PCDH9: variants seen among roughly 807,000 people sequenced by gnomAD.
PCDH9 encodes the protein protocadherin 9.
Under a neutral mutation model 70.6 loss-of-function variants are expected in PCDH9, and 24 were observed. The observed-to-expected ratio is 0.34, with a 90% CI of 0.25 to 0.48. PCDH9 has a LOEUF of 0.48. Among genes scored for constraint, PCDH9 ranks in the 20% least tolerant of loss-of-function variants. PCDH9 has a pLI of 0.99. For synonymous variants in PCDH9, 562 were observed against 558.5 expected, an observed-to-expected ratio of 1.01 and a Z score of -0.09; for missense variants, 1,281 against 1,503.6, an observed-to-expected ratio of 0.85 and a Z score of 2.45.
chr13:67,175,192 T>C (rs1310713734), intron 2 of PCDH9, among the ~76,000 whole-genome samples: 1 of 152,116 alleles, frequency 6.6e-6, no homozygotes, highest in African/African-American at 2.4e-5. Flanking sequence ...GGACAATATG[T>C]GTTTATTCCT....
intron 4 of PCDH9, among the ~76,000 whole-genome samples, chr13:66,529,285 G>A (rs1287207284): frequency 6.6e-6 from 1 of 151,986 alleles, no homozygotes; most frequent in Non-Finnish European, 1.5e-5. Flanking sequence ...CATCTCTTCA[G>A]GCACAAACTG....
chr13:66,518,676 A>G (rs1959853780), intron 4 of PCDH9, among the ~76,000 whole-genome samples: 1 of 152,164 alleles, frequency 6.6e-6, no homozygotes, highest in South Asian at 2.1e-4. Flanking sequence ...TTTAGAAGTT[A>G]TATAAGTTTA....
chr13:66,872,115 T>C (rs558211119), intron 3 of PCDH9, among the ~76,000 whole-genome samples: 3 of 152,300 alleles, frequency 2.0e-5, no homozygotes, highest in African/African-American at 4.8e-5. Flanking sequence ...AAAGGACATA[T>C]GACTAAATTA....
chr13:67,063,038 C>T (rs1285012538), intron 2 of PCDH9, among the ~76,000 whole-genome samples: 1 of 152,128 alleles, frequency 6.6e-6, no homozygotes, highest in Admixed American at 6.6e-5. Context: ...GATTATGCTG[C>T]AGAAAATAGC....
chr13:67,079,554 T>G (rs1027981797), intron 2 of PCDH9, among the ~76,000 whole-genome samples: 1 of 152,164 alleles, frequency 6.6e-6, no homozygotes, highest in African/African-American at 2.4e-5. Context: ...CTGAAGGAAG[T>G]AAAAAGATTT....
At chr13:67,045,404 C>G (rs536761437) in intron 2 of PCDH9, among the ~76,000 whole-genome samples, 26 of 152,148 alleles carry the variant, frequency 1.7e-4, no homozygotes, top group Admixed American at 5.2e-4. Context: ...ACTTTGAATA[C>G]CTCTTTCCAT....
chr13:67,155,204 A>G lies in PCDH9; in HGVS notation c.3036+70201T>C, dbSNP rs143493486. ...GCAAACTAAAACTGTCTGGAACTGA[A>G]TGCAAACGGCCAGCAGGCTCAAGTT... On this transcript the variant is annotated intron_variant, in intron 2 of 4. Coordinates refer to ENST00000377865, the MANE Select transcript of PCDH9 (RefSeq NM_203487.3). Among the ~76,000 whole-genome samples, 152 of 152,356 alleles carry G rather than the reference A, an allele frequency of 1.0e-3. 1 individual carries two copies. In the Middle Eastern group the frequency reaches 0.014, roughly 14 times the overall value.
At chr13:66,586,307 A>G (rs2076962170) in intron 4 of PCDH9, among the ~76,000 whole-genome samples, 1 of 127,454 alleles carries the variant, frequency 7.8e-6, no homozygotes, top group East Asian at 2.2e-4. Context: ...TACATTAAAT[A>G]AAATTTAAAA....
Position 67,104,827 on chromosome 13 carries a change from G to A in PCDH9, c.3036+120578C>T, listed in dbSNP as rs71427634. 3.0e-3 allele frequency among the ~76,000 whole-genome samples: 461 copies of A among 152,286 alleles called. 1 individual carries two copies. Among genetic ancestry groups the A allele is most frequent in the Non-Finnish European group, 5.2e-3 (353 of 68,006 alleles). Reference sequence around the variant, plus strand: ...GCCTCCCAAAGTGCTGGGATTACAGGCGCGAGCCACCGCGCTGGGCCAATA... The same window carrying A: ...GCCTCCCAAAGTGCTGGGATTACAGACGCGAGCCACCGCGCTGGGCCAATA... On this transcript the variant is annotated intron_variant, in intron 2 of 4. Transcript: ENST00000377865.
rs201299950 is a variant in PCDH9 at position 66,662,174 on chromosome 13, TA to T, written c.3139-30764del. ...ATCAAGTATATCAAAGATGAGAACC[TA>T]AAGAATGTCACATAAGGCCGGGCGT... is the stretch of plus-strand genomic sequence containing the variant. On this transcript the variant is annotated intron_variant, in intron 3 of 4. Coordinates refer to ENST00000377865, the MANE Select transcript of PCDH9 (RefSeq NM_203487.3). Among the ~76,000 whole-genome samples the T allele has an allele frequency of 3.9e-3, 587 of 152,080 alleles. 18 individuals are homozygous for T. The East Asian group carries it at 0.086, about 22-fold the overall frequency.
chr13:67,094,352 G>A (rs1364599115), intron 2 of PCDH9, among the ~76,000 whole-genome samples: 2 of 152,092 alleles, frequency 1.3e-5, no homozygotes, highest in African/African-American at 4.8e-5. Context: ...TCACCCTCCA[G>A]GCCAGATGTA....
At chr13:66,928,727 T>C (rs2082756211) in intron 2 of PCDH9, among the ~76,000 whole-genome samples, 1 of 152,082 alleles carries the variant, frequency 6.6e-6, no homozygotes, top group Non-Finnish European at 1.5e-5. Context: ...CAACCAGATA[T>C]TTCTGGTGCC....
At chr13:67,040,860 A>C (rs769456696) in intron 2 of PCDH9, among the ~76,000 whole-genome samples, 1 of 152,226 alleles carries the variant, frequency 6.6e-6, no homozygotes, top group Non-Finnish European at 1.5e-5. Flanking sequence ...ATTAAAAGTC[A>C]TAAAAATATT....
chr13:66,319,810 T>G (rs1955720856), intron 4 of PCDH9, among the ~76,000 whole-genome samples: 1 of 152,090 alleles, frequency 6.6e-6, no homozygotes, highest in South Asian at 2.1e-4. Context: ...TTTGCTATTT[T>G]GAGAATCACC....
Position 67,156,147 on chromosome 13 carries a change from G to A in PCDH9, c.3036+69258C>T, listed in dbSNP as rs150384443. Among the ~76,000 whole-genome samples, 1,360 of 152,140 alleles carry A rather than the reference G, an allele frequency of 8.9e-3. 15 individuals carry two copies. The highest frequency in any genetic ancestry group is 0.013 in the Admixed American group (199 of 15,278). On this transcript the variant is annotated intron_variant, in intron 2 of 4. Transcript: ENST00000377865. ...CCCCCACCGACCTAGATGAGGACCT[G>A]GCACTCCTGCCTGCACGCCCAAATG...
At chr13:66,626,529 A>G (rs1486933994) in intron 4 of PCDH9, among the ~76,000 whole-genome samples, 9 of 152,182 alleles carry the variant, frequency 5.9e-5, no homozygotes, top group Admixed American at 3.3e-4. Flanking sequence ...AAGCAGACCA[A>G]TGACCCAGGG....
intron 3 of PCDH9, among the ~76,000 whole-genome samples, chr13:66,679,071 T>C (rs1394721950): frequency 3.3e-5 from 5 of 151,814 alleles, no homozygotes; most frequent in Admixed American, 2.6e-4. Context: ...TAATACATAA[T>C]ATACACCTGT....
intron 4 of PCDH9, among the ~76,000 whole-genome samples, chr13:66,311,366 C>CTG (rs71803849): frequency 0.032 from 4,266 of 132,776 alleles, 137 homozygotes; most frequent in African/African-American, 0.1. Context: ...CTCTCTCTCT[C>CTG]TGTGTGTGTG....
intron 4 of PCDH9, among the ~76,000 whole-genome samples, chr13:66,568,376 AG>A (rs1226994093): frequency 1.3e-5 from 2 of 151,760 alleles, no homozygotes. Flanking sequence ...GACTAAGATA[AG>A]GCACAATTAA....
Sources: gnomAD v4.1 joint callset for allele counts (sites outside exome capture counted in the v4.1 genomes callset) on GRCh38, gnomAD v4.1.1 for gene constraint, MANE v1.5 for transcripts, NCBI Gene and HGNC (gene_info 2026-07-23, HGNC 2026-07-21) for gene names.